LIMCH1: variants seen among roughly 807,000 people sequenced by gnomAD.
LIMCH1 encodes the protein LIM and calponin homology domains 1.
LIMCH1 carries 113 observed loss-of-function variants against 176.5 expected under a neutral mutation model. That is an observed-to-expected ratio of 0.64 (90% CI 0.55 to 0.75). The LOEUF (loss-of-function observed/expected upper bound fraction) is 0.75. Among genes scored for constraint, LIMCH1 ranks in the 30% least tolerant of loss-of-function variants. The pLI is 0.00. For synonymous variants in LIMCH1, 619 were observed against 645.9 expected (o/e 0.96, Z 0.63); for missense variants, 1,674 against 1,814.9 (o/e 0.92, Z 1.41).
intron 1 of LIMCH1, among the ~76,000 whole-genome samples, chr4:41,477,736 TA>T (rs955548282): frequency 1.3e-5 from 2 of 152,122 alleles, no homozygotes; most frequent in Non-Finnish European, 2.9e-5. Flanking sequence ...TGATAGAGGA[TA>T]GGGGTGAGGG....
chr4:41,508,560 T>C (rs2074460388), intron 2 of LIMCH1, among the ~76,000 whole-genome samples: 1 of 151,998 alleles, frequency 6.6e-6, no homozygotes, highest in South Asian at 2.1e-4. Context: ...AGCTATGAGA[T>C]ATGGAAGCCT....
Position 41,408,440 on chromosome 4 carries a change from C to G in LIMCH1, c.96+47504C>G, listed in dbSNP as rs767615520. ...GGTGCTTTCAAGAAGCTGCAAAACT[C>G]TTACTACTATCCCATTTTAGATGAG... On this transcript the variant is annotated intron_variant, in intron 1 of 26. Coordinates refer to the LIMCH1 transcript ENST00000313860. Among the ~76,000 whole-genome samples, 48 of 152,192 alleles carry G rather than the reference C, an allele frequency of 3.2e-4. 1 individual carries two copies. Among genetic ancestry groups the G allele is most frequent in the Admixed American group, 3.3e-4 (5 of 15,282 alleles).
intron 1 of LIMCH1, among the ~76,000 whole-genome samples, chr4:41,444,137 G>A (rs2063000859): frequency 6.6e-6 from 1 of 152,094 alleles, no homozygotes. Context: ...CTGTGAGTCT[G>A]AATAGTTCTA....
chr4:41,667,367 G>A (rs1345447407), intron 21 of LIMCH1, among the ~76,000 whole-genome samples: 1 of 151,892 alleles, frequency 6.6e-6, no homozygotes, highest in Non-Finnish European at 1.5e-5. Flanking sequence ...TAATCTTTAT[G>A]TGTGTGTATT....
At chr4:41,498,961 C>T (rs192898241) in intron 2 of LIMCH1, among the ~76,000 whole-genome samples, 1 of 151,708 alleles carries the variant, frequency 6.6e-6, no homozygotes, top group Admixed American at 6.6e-5. Context: ...AAACAAGAGT[C>T]TATATGTGGC....
At chr4:41,536,985 C>A (rs976405608), upstream of LIMCH1, among the ~76,000 whole-genome samples, 2 of 152,140 alleles carry the variant, frequency 1.3e-5, no homozygotes, top group Admixed American at 1.3e-4. Context: ...TACTGAAACT[C>A]TGCATATTAT....
At chr4:41,619,085 C>T in intron 5 of LIMCH1, 103 bp from the exon 6 acceptor site, 1 of 1,305,698 alleles carries the variant, frequency 7.7e-7, no homozygotes, top group Non-Finnish European at 1.1e-6. Flanking sequence ...AAGAAGGAAT[C>T]CTCAGAACCC....
In LIMCH1 at chr4:41,455,243, G is replaced by A. The variant is rs557614511; in HGVS notation, c.97-39293G>A. Reference sequence around the variant, plus strand: ...ATGGCTTTAGATAAAAGGATGATTTGTTATTTAATGTATCAAACAATATTG... The same window carrying A: ...ATGGCTTTAGATAAAAGGATGATTTATTATTTAATGTATCAAACAATATTG... On this transcript the variant is annotated intron_variant, in intron 1 of 26. Transcript: ENST00000313860. Among the ~76,000 whole-genome samples, 4 of 152,302 alleles carry A rather than the reference G, an allele frequency of 2.6e-5. No homozygotes were observed. The South Asian group carries it at 8.3e-4, about 32-fold the overall frequency.
chr4:41,520,606 C>T (rs2076024119), intron 2 of LIMCH1, among the ~76,000 whole-genome samples: 1 of 152,172 alleles, frequency 6.6e-6, no homozygotes, highest in African/African-American at 2.4e-5. Context: ...CACTGTTGCC[C>T]TTCCTGTGCC....
At chr4:41,435,001 T>TGGATGTTAA (rs2061939291) in intron 1 of LIMCH1, among the ~76,000 whole-genome samples, 3 of 152,208 alleles carry the variant, frequency 2.0e-5, no homozygotes, top group Admixed American at 6.5e-5. Flanking sequence ...ATCTTAATCC[T>TGGATGTTAA]TAGAGCCTCT....
intron 2 of LIMCH1, among the ~76,000 whole-genome samples, chr4:41,501,917 C>T (rs1583203964): frequency 8.7e-6 from 1 of 114,954 alleles, no homozygotes; most frequent in African/African-American, 3.3e-5. Context: ...ATTTTAAGTT[C>T]CAGGGTACGT....
At chr4:41,667,503 T>C (rs1376450397) in intron 21 of LIMCH1, among the ~76,000 whole-genome samples, 1 of 152,202 alleles carries the variant, frequency 6.6e-6, no homozygotes, top group African/African-American at 2.4e-5. Context: ...ATGTTTGATG[T>C]ATTTTAATGT....
At chr4:41,638,906 C>G (rs1238971732) in intron 13 of LIMCH1, 26 bp from the exon 14 acceptor site, 5 of 1,603,268 alleles carry the variant, frequency 3.1e-6, no homozygotes, top group Non-Finnish European at 4.3e-6. Context: ...TCTGCCAGTC[C>G]TCTAATTTTT....
intron 1 of LIMCH1, among the ~76,000 whole-genome samples, chr4:41,455,269 TGA>T (rs1195739036): frequency 1.3e-5 from 2 of 152,168 alleles, no homozygotes; most frequent in African/African-American, 4.8e-5. Context: ...AACAATATTG[TGA>T]GCAAATTCTG....
At chr4:41,520,899 T>C (rs1583438718) in intron 2 of LIMCH1, among the ~76,000 whole-genome samples, 2 of 152,218 alleles carry the variant, frequency 1.3e-5, no homozygotes, top group South Asian at 2.1e-4. Context: ...TTAAGGCCTT[T>C]AGCTGTATGT....
In LIMCH1 at chr4:41,620,398, G is replaced by A. The variant is rs1271965551; in HGVS notation, c.459-26G>A. On this transcript the variant is annotated intron_variant, in intron 6 of 31. Transcript: ENST00000503057. ...CTCCCCAGCCCAGTCTGTTAGTTTG[G>A]TAAACCATATTGTCCAACTCACTAG... The A allele has an allele frequency of 2.0e-6, 3 of 1,529,504 alleles. No homozygotes were observed. In the African/African-American group the frequency reaches 4.1e-5, roughly 21 times the overall value. The allele number at this position is 1,529,504 out of a possible 1,614,324, so 94.7% of individuals were successfully genotyped here. A position where few individuals can be genotyped will look rare whatever the true frequency, so the allele number is the denominator to read the frequency against.
At chr4:41,558,328 AC>A (rs1056027568) in intron 1 of LIMCH1, among the ~76,000 whole-genome samples, 2 of 152,110 alleles carry the variant, frequency 1.3e-5, no homozygotes, top group Non-Finnish European at 2.9e-5. Context: ...TGGGAATTTC[AC>A]CAAAAAGGGG....
At chr4:41,586,906 A>C (rs1171998298) in intron 1 of LIMCH1, among the ~76,000 whole-genome samples, 1 of 152,206 alleles carries the variant, frequency 6.6e-6, no homozygotes, top group East Asian at 1.9e-4. Context: ...TTTGGGGTTG[A>C]GCACTCTATT....
intron 1 of LIMCH1, among the ~76,000 whole-genome samples, chr4:41,429,594 A>C (rs1287980302): frequency 6.6e-6 from 1 of 152,194 alleles, no homozygotes; most frequent in African/African-American, 2.4e-5. Context: ...AGAATTATGG[A>C]AAAAGGATGG....
Sources: allele counts gnomAD v4.1 joint callset (sites outside exome capture counted in the v4.1 genomes callset), GRCh38; gene constraint gnomAD v4.1.1; transcripts MANE v1.5; gene names NCBI Gene and HGNC (gene_info 2026-07-23, HGNC 2026-07-21).